MCCC2: variants seen among roughly 807,000 people sequenced by gnomAD.
MCCC2 encodes methylcrotonyl-CoA carboxylase subunit 2.
In MCCC2, 52 loss-of-function variants were observed where a neutral mutation model predicts 77.2. The observed-to-expected ratio is 0.67, with a 90% CI of 0.54 to 0.85. The LOEUF (loss-of-function observed/expected upper bound fraction) is 0.85. MCCC2 is among the 40% of genes least tolerant of loss of function. MCCC2 has a pLI of 0.00. For missense variants in MCCC2, 682 were observed against 703.2 expected (o/e 0.97, Z 0.34); for synonymous variants, 253 against 248.4 (o/e 1.02, Z -0.18).
intron 6 of MCCC2, among the ~76,000 whole-genome samples, chr5:71,607,993 C>CA (rs1429536665): frequency 6.6e-5 from 9 of 135,428 alleles, no homozygotes; most frequent in Non-Finnish European, 1.4e-4. Context: ...GCTTTACTTC[C>CA]AAGTATGTGG....
chr5:71,604,325 G>C, intron 5 of MCCC2, 31 bp from the exon 6 acceptor site: 1 of 1,561,996 alleles, frequency 6.4e-7, no homozygotes, highest in Non-Finnish European at 8.8e-7. Context: ...AGTTCATAGA[G>C]ATGCTTATGT....
intron 6 of MCCC2, among the ~76,000 whole-genome samples, chr5:71,625,229 C>A (rs1323128654): frequency 6.6e-6 from 1 of 152,128 alleles, no homozygotes; most frequent in East Asian, 1.9e-4. Flanking sequence ...GACTGTATTT[C>A]TTTTTGGATA....
intron 6 of MCCC2, among the ~76,000 whole-genome samples, chr5:71,606,875 C>T (rs1267202392): frequency 6.6e-6 from 1 of 150,630 alleles, no homozygotes; most frequent in African/African-American, 2.5e-5. Context: ...TGCTGGATTA[C>T]ATTTACTGAT....
At chr5:71,604,761 G>A (rs1278898815) in intron 6 of MCCC2, among the ~76,000 whole-genome samples, 1 of 149,168 alleles carries the variant, frequency 6.7e-6, no homozygotes, top group Non-Finnish European at 1.5e-5. Flanking sequence ...TCCCCAGAGT[G>A]TGATATTCCC....
intron 6 of MCCC2, 135 bp downstream of exon 6, chr5:71,604,603 T>C: frequency 2.8e-6 from 2 of 715,562 alleles, no homozygotes; most frequent in South Asian, 3.2e-5. Flanking sequence ...TTTTATACTT[T>C]AGGTTTTAGG....
chr5:71,605,384 T>A lies in MCCC2; in HGVS notation c.624+916T>A, dbSNP rs1198477138. 6.6e-5 allele frequency among the ~76,000 whole-genome samples: 10 copies of A among 152,180 alleles called. No individual in the cohort carries two copies. The East Asian group carries it at 7.7e-4, about 12-fold the overall frequency. On this transcript the variant is annotated intron_variant, in intron 6 of 16. Transcript: ENST00000340941. ...TTTTGGCTGCATAAATGTCTTCTTC[T>A]GAGAAGTGTCTGTTCATGTCCTTCA...
Position 71,587,498 on chromosome 5 carries a change from G to C in MCCC2, c.73G>C (p.Gly25Arg). 1 of 1,538,162 alleles carries C rather than the reference G, an allele frequency of 6.5e-7. No homozygotes were observed. The highest frequency in any genetic ancestry group is 8.7e-7 in the Non-Finnish European group (1 of 1,146,578). ...TCCCGCCGGGCCGCGCGCCTATCAC[G>C]GGGACTCGGTGGCCTCGCTGGGCAC... ...ASPAGPRAYH[G>R]DSVASLGTQP... is the part of the protein sequence containing the mutation. The change falls in exon 1 of 17, where the codon GGG becomes CGG. Residue 25 changes from glycine to arginine, a missense_variant. Transcript: ENST00000340941.
At chr5:71,653,850 CAAA>C (rs33938603) in intron 16 of MCCC2, among the ~76,000 whole-genome samples, 78 of 122,570 alleles carry the variant, frequency 6.4e-4, no homozygotes, top group Non-Finnish European at 6.2e-4. Context: ...GGCCCTATCT[CAAA>C]AAAAAAAAAA....
intron 6 of MCCC2, among the ~76,000 whole-genome samples, chr5:71,622,064 T>A (rs1031581997): frequency 6.6e-6 from 1 of 152,088 alleles, no homozygotes; most frequent in African/African-American, 2.4e-5. Flanking sequence ...GGAGGATCGC[T>A]TGAGCACAGG....
chr5:71,647,184 C>G (rs546609091), intron 13 of MCCC2, among the ~76,000 whole-genome samples: 22 of 152,314 alleles, frequency 1.4e-4, no homozygotes, highest in African/African-American at 5.3e-4. Flanking sequence ...CCATCCCAGG[C>G]TACCTCAGCT....
intron 6 of MCCC2, among the ~76,000 whole-genome samples, chr5:71,614,703 C>G (rs892242608): frequency 5.9e-5 from 9 of 151,944 alleles, no homozygotes; most frequent in African/African-American, 2.2e-4. Flanking sequence ...AGGCTGGTCT[C>G]GAACTCCTGA....
intron 6 of MCCC2, among the ~76,000 whole-genome samples, chr5:71,609,514 T>A (rs1371643251): frequency 6.0e-5 from 9 of 150,178 alleles, no homozygotes; most frequent in Non-Finnish European, 1.2e-4. Flanking sequence ...TTAGTTTGAA[T>A]GTCCTCCCGT....
intron 6 of MCCC2, among the ~76,000 whole-genome samples, chr5:71,605,426 GTTGT>G (rs1467862102): frequency 6.6e-6 from 1 of 152,146 alleles, no homozygotes; most frequent in East Asian, 1.9e-4. Flanking sequence ...TTTTGATGGG[GTTGT>G]TTGTTTTTTT....
Position 71,647,660 on chromosome 5 carries a change from G to T in MCCC2, c.1216+1383G>T, listed in dbSNP as rs78461018. ...GGTGAATAAGTCTCAGCACAGGAGA[G>T]GTGTTTTAGGTAGAGATGCAAATGT... On this transcript the variant is annotated intron_variant, in intron 13 of 16. Transcript: ENST00000340941. Among the ~76,000 whole-genome samples, 764 of 152,246 alleles carry T rather than the reference G, an allele frequency of 5.0e-3. 10 individuals carry two copies. The highest frequency in any genetic ancestry group is 0.018 in the African/African-American group (733 of 41,550).
intron 6 of MCCC2, among the ~76,000 whole-genome samples, chr5:71,617,920 C>T (rs967666216): frequency 2.6e-5 from 4 of 152,164 alleles, no homozygotes; most frequent in African/African-American, 7.2e-5. Flanking sequence ...TTTTCTTTTG[C>T]TCTCAAGGAG....
At chr5:71,617,654 A>G (rs375615401) in intron 6 of MCCC2, among the ~76,000 whole-genome samples, 1 of 152,336 alleles carries the variant, frequency 6.6e-6, no homozygotes, top group Admixed American at 6.5e-5. Flanking sequence ...TGTTTATTAT[A>G]TAAGTTAATC....
intron 6 of MCCC2, among the ~76,000 whole-genome samples, chr5:71,618,982 T>C (rs1417695766): frequency 6.6e-6 from 1 of 152,238 alleles, no homozygotes; most frequent in African/African-American, 2.4e-5. Context: ...TTGTTTCTTC[T>C]GAAATAGGCA....
At position 71,649,299 on chromosome 5, in the gene MCCC2, A is replaced by G. The variant is rs141576720; in HGVS notation, c.1373+46A>G. On this transcript the variant is annotated intron_variant, in intron 14 of 16. Coordinates refer to ENST00000340941, the MANE Select transcript of MCCC2 (RefSeq NM_022132.5). ...TGAAACAAAGAAACATGCTTCAAGT[A>G]TAAAATACATGGTCAGTTTATTTCA... 2.8e-5 allele frequency: 43 copies of G among 1,544,560 alleles called. No individual in the cohort carries two copies. In the East Asian group the frequency reaches 9.0e-4, roughly 32 times the overall value.
chr5:71,626,027 T>A (rs887527511), intron 6 of MCCC2, among the ~76,000 whole-genome samples: 1 of 152,204 alleles, frequency 6.6e-6, no homozygotes, highest in Non-Finnish European at 1.5e-5. Context: ...AAGATTTTTT[T>A]AAAGCTTTTT....
Sources: allele counts gnomAD v4.1 joint callset (sites outside exome capture counted in the v4.1 genomes callset), GRCh38; gene constraint gnomAD v4.1.1; transcripts MANE v1.5; gene names NCBI Gene and HGNC (gene_info 2026-07-23, HGNC 2026-07-21).